PCDHA5: variants seen among roughly 807,000 people sequenced by gnomAD.
PCDHA5 encodes protocadherin alpha-5.
Under a neutral mutation model 61.6 loss-of-function variants are expected in PCDHA5, and 43 were observed. The ratio of observed to expected loss-of-function variants is 0.70; its 90% CI spans 0.55 to 0.90. PCDHA5 has a LOEUF of 0.90. Ranked by LOEUF, PCDHA5 falls within the 40% of genes least tolerant of loss-of-function variation. PCDHA5 has a pLI of 0.00. For synonymous variants in PCDHA5, 627 were observed against 543.9 expected (o/e 1.15, Z -2.13); for missense variants, 1,298 against 1,222.7 (o/e 1.06, Z -0.92).
intron 1 of PCDHA5, among the ~76,000 whole-genome samples, chr5:140,840,617 T>C (rs2150308160): frequency 2.0e-5 from 3 of 152,150 alleles, no homozygotes; most frequent in African/African-American, 7.2e-5. Context: ...AGGCTGAATT[T>C]AACAAGCTAT....
chr5:140,852,580 TTA>T, intron 1 of PCDHA5: 5 of 841,004 alleles, frequency 5.9e-6, no homozygotes, highest in South Asian at 5.3e-5. Context: ...CAAGGCTTTT[TTA>T]TTTTTTTTTT....
intron 1 of PCDHA5, chr5:140,849,805 C>T: frequency 6.3e-7 from 1 of 1,598,382 alleles, no homozygotes; most frequent in Non-Finnish European, 8.6e-7. Flanking sequence ...TCACTGTGGG[C>T]CACGGCCAGG....
intron 1 of PCDHA5, chr5:140,877,422 G>T (rs781813282): frequency 6.2e-7 from 1 of 1,613,902 alleles, no homozygotes; most frequent in Non-Finnish European, 8.5e-7. Flanking sequence ...TGCTGGTGCT[G>T]GTGAAGGACC....
At position 140,822,162 on chromosome 5, in the gene PCDHA5, G is replaced by A; in HGVS notation, c.387G>A (p.Pro129=). The A allele has an allele frequency of 6.2e-7, 1 of 1,614,230 alleles. No individual in the cohort carries two copies. Among genetic ancestry groups the A allele is most frequent in the Non-Finnish European group, 8.5e-7 (1 of 1,180,040 alleles). The change falls in exon 1 of 4, where the codon CCG becomes CCA. Residue 129 remains proline, a synonymous_variant. Transcript: ENST00000529859. ...CAGTGAAGGACATCAATGACAATCC[G>A]CCCAGGTTCTCCAGACAAGAACAAA... is the stretch of plus-strand genomic sequence containing the variant. ...EVAVKDINDN[P]PRFSRQEQRL...
At chr5:140,904,436 T>C (rs1554191522) in intron 1 of PCDHA5, among the ~76,000 whole-genome samples, 1 of 151,240 alleles carries the variant, frequency 6.6e-6, no homozygotes, top group Admixed American at 6.6e-5. Flanking sequence ...TATATATGTA[T>C]ATTACAATTT....
At chr5:140,885,427 G>A (rs1276398573) in intron 1 of PCDHA5, among the ~76,000 whole-genome samples, 1 of 152,092 alleles carries the variant, frequency 6.6e-6, no homozygotes, top group Admixed American at 6.5e-5. Flanking sequence ...ATTCCACAGT[G>A]TAAGTGTGCA....
Position 140,927,804 on chromosome 5 carries a change from G to T in PCDHA5, c.2353-51145G>T, listed in dbSNP as rs112037348. The T allele has an allele frequency of 8.3e-4, 1,346 of 1,614,160 alleles. 11 individuals carry two copies. The African/African-American group carries it at 0.015, about 18-fold the overall frequency. On this transcript the variant is annotated intron_variant, in intron 1 of 3. Coordinates refer to ENST00000529859, the MANE Select transcript of PCDHA5 (RefSeq NM_018908.3). Reference sequence around the variant, plus strand: ...CTGCTTCACTAGGTCCGCCTGAAACGCTCTTGGAGGCATACATTGAGGCGA... The same window carrying T: ...CTGCTTCACTAGGTCCGCCTGAAACTCTCTTGGAGGCATACATTGAGGCGA...
At chr5:141,005,978 G>C (rs1226619772) in intron 3 of PCDHA5, among the ~76,000 whole-genome samples, 2 of 151,936 alleles carry the variant, frequency 1.3e-5, no homozygotes, top group African/African-American at 4.8e-5. Context: ...CAATTCCAAA[G>C]AGTGTTTGAG....
At chr5:140,830,051 C>T (rs1276520798) in intron 1 of PCDHA5, 2 of 1,613,610 alleles carry the variant, frequency 1.2e-6, no homozygotes, top group Middle Eastern at 1.6e-4. Context: ...GGTGAAAGAC[C>T]ACGGTGAGCC....
In PCDHA5 at chr5:140,852,911, C is replaced by T. The variant is rs2150524968; in HGVS notation, c.2352+28784C>T. The T allele has an allele frequency of 1.1e-4, 89 of 791,740 alleles. 5 individuals are homozygous for T. The highest frequency in any genetic ancestry group is 1.3e-4 in the Non-Finnish European group (82 of 639,880). The allele number at this position is 791,740 out of a possible 1,614,324, so 49.0% of individuals were successfully genotyped here. On this transcript the variant is annotated intron_variant, in intron 1 of 3. Coordinates refer to ENST00000529859, the MANE Select transcript of PCDHA5 (RefSeq NM_018908.3). Reference sequence around the variant, plus strand: ...TTTTTTTTTTTGAGTCAGAGTCTCGCTCTGTTGCCCAGGCTGGAGTGCAGT... The same window carrying T: ...TTTTTTTTTTTGAGTCAGAGTCTCGTTCTGTTGCCCAGGCTGGAGTGCAGT...
At chr5:140,891,586 A>C (rs1296110221) in intron 1 of PCDHA5, among the ~76,000 whole-genome samples, 1 of 151,924 alleles carries the variant, frequency 6.6e-6, no homozygotes, top group Non-Finnish European at 1.5e-5. Flanking sequence ...TAATCTTATT[A>C]CTCTATCCCA....
At chr5:140,966,489 C>A in intron 1 of PCDHA5, 2 of 440,146 alleles carry the variant, frequency 4.5e-6, no homozygotes, top group Non-Finnish European at 7.9e-6. Flanking sequence ...TTCCCTCCCC[C>A]TGGAGCTGTA....
At chr5:140,828,766 T>A (rs2150158702) in intron 1 of PCDHA5, 32 of 1,614,112 alleles carry the variant, frequency 2.0e-5, no homozygotes, top group Non-Finnish European at 2.5e-5. Context: ...TCACAGGCAC[T>A]GTTCAGCTGC....
At chr5:140,894,066 A>G (rs997633914) in intron 1 of PCDHA5, among the ~76,000 whole-genome samples, 1 of 152,204 alleles carries the variant, frequency 6.6e-6, no homozygotes, top group Admixed American at 6.5e-5. Context: ...ATTTTTAAAT[A>G]CATTTATTTT....
At position 140,865,331 on chromosome 5, in the gene PCDHA5, TAAAG is replaced by T. The variant is rs2048827631; in HGVS notation, c.2352+41208_2352+41211del. 4 of 152,230 alleles carry T rather than the reference TAAAG, an allele frequency of 2.6e-5. No homozygotes were observed. The South Asian group carries it at 8.3e-4, about 31-fold the overall frequency. The allele number at this position is 152,230 out of a possible 1,614,324, so 9.4% of individuals were successfully genotyped here. On this transcript the variant is annotated intron_variant, in intron 1 of 3. Transcript: ENST00000529859. ...AAATGAGATGGCCTTTAATTCTGTGTAAAGAAATAGTATATTTACATATTGCAGG... is the reference window on the plus strand; with the variant it reads ...AAATGAGATGGCCTTTAATTCTGTGTAAATAGTATATTTACATATTGCAGG...
intron 1 of PCDHA5, chr5:140,882,534 G>A (rs1554174427): frequency 8.7e-6 from 14 of 1,614,086 alleles, no homozygotes; most frequent in Non-Finnish European, 1.1e-5. Flanking sequence ...GTGAATTCTC[G>A]GATCGACCGC....
intron 1 of PCDHA5, among the ~76,000 whole-genome samples, chr5:140,941,208 T>TTCCTTTCTTTCTTTCTTTCTTTCG (rs2092839762): frequency 9.1e-6 from 1 of 109,450 alleles, no homozygotes; most frequent in Non-Finnish European, 2.0e-5. Context: ...TCTTCCTTTC[T>TTCCTTTCTTTCTTTCTTTCTTTCG]TTCTTCCTTT....
At chr5:140,895,454 G>T (rs1554186522) in intron 1 of PCDHA5, among the ~76,000 whole-genome samples, 1 of 151,918 alleles carries the variant, frequency 6.6e-6, no homozygotes, top group Non-Finnish European at 1.5e-5. Context: ...TGTGCTTATT[G>T]GTCATTTCTT....
Position 140,962,743 on chromosome 5 carries a change from A to T in PCDHA5, c.2353-16206A>T, listed in dbSNP as rs1298793627. 2.0e-5 allele frequency among the ~76,000 whole-genome samples: 3 copies of T among 152,324 alleles called. No individual in the cohort carries two copies. The East Asian group carries it at 5.8e-4, about 29-fold the overall frequency. On this transcript the variant is annotated intron_variant, in intron 1 of 3. Coordinates refer to ENST00000529859, the MANE Select transcript of PCDHA5 (RefSeq NM_018908.3). Reference sequence around the variant, plus strand: ...ATTTTCCTTCTGGGGATGCATGAAGATCAGGAATCCTATTCGTTTTTAACA... The same window carrying T: ...ATTTTCCTTCTGGGGATGCATGAAGTTCAGGAATCCTATTCGTTTTTAACA...
Sources: gnomAD v4.1 joint callset for allele counts (sites outside exome capture counted in the v4.1 genomes callset) on GRCh38, gnomAD v4.1.1 for gene constraint, MANE v1.5 for transcripts, NCBI Gene and HGNC (gene_info 2026-07-23, HGNC 2026-07-21) for gene names.